The following SPIC variants were observed in gnomAD, a reference collection of about 807,000 sequenced individuals.
SPIC encodes the protein Spi-C transcription factor, also known as transcription factor Spi-C.
SPIC carries 9 observed loss-of-function variants against 16.7 expected under a neutral mutation model. That is an observed-to-expected ratio of 0.54 (90% CI 0.33 to 0.94). The LOEUF (loss-of-function observed/expected upper bound fraction) is 0.94. Among genes scored for constraint, SPIC ranks in the 40% least tolerant of loss-of-function variants. The pLI, the probability that SPIC is intolerant of heterozygous loss-of-function variation, is 0.03. For synonymous variants in SPIC, 97 were observed against 102.9 expected, an observed-to-expected ratio of 0.94 and a Z score of 0.35; for missense variants, 241 against 285.8, an observed-to-expected ratio of 0.84 and a Z score of 1.13.
intron 4 of SPIC, among the ~76,000 whole-genome samples, chr12:101,480,593 T>C (rs1873156365): frequency 6.6e-6 from 1 of 152,242 alleles, no homozygotes; most frequent in Admixed American, 6.5e-5. Context: ...GGTTTTTATT[T>C]TTCTTCAGTC....
chr12:101,479,533 C>CAAATACAA, intron 3 of SPIC, 49 bp from the exon 4 acceptor site: 1 of 1,437,628 alleles, frequency 7.0e-7, no homozygotes, highest in South Asian at 1.2e-5. Flanking sequence ...TTTATATGCA[C>CAAATACAA]AAATACAAAC....
chr12:101,479,766 G>A lies in SPIC; in HGVS notation c.210+72G>A, dbSNP rs1593491745. 2.7e-6 allele frequency: 3 copies of A among 1,104,710 alleles called. No individual in the cohort carries two copies. The East Asian group carries it at 7.5e-5, about 28-fold the overall frequency. The allele number at this position is 1,104,710 out of a possible 1,614,324, so 68.4% of individuals were successfully genotyped here. A position where few individuals can be genotyped will look rare whatever the true frequency, so the allele number is the denominator to read the frequency against. On this transcript the variant is annotated intron_variant, in intron 4 of 5. Transcript: ENST00000551346. ...GCCAGCCTTCCATTTCACATACACT[G>A]TCTGAAACCCAGCTTAAAGACAGCA...
intron 1 of SPIC, among the ~76,000 whole-genome samples, chr12:101,476,054 G>A (rs1046412553): frequency 1.3e-5 from 2 of 152,218 alleles, no homozygotes; most frequent in Non-Finnish European, 1.5e-5. Context: ...GTGTTTGCGG[G>A]TAAATACTAA....
intron 1 of SPIC, among the ~76,000 whole-genome samples, chr12:101,476,362 T>C (rs1305727506): frequency 6.6e-6 from 1 of 152,162 alleles, no homozygotes; most frequent in Non-Finnish European, 1.5e-5. Context: ...CTAAATTTTA[T>C]TTGCAATATA....
At chr12:101,484,151 T>A (rs961926526) in intron 5 of SPIC, among the ~76,000 whole-genome samples, 69 of 152,032 alleles carry the variant, frequency 4.5e-4, no homozygotes, top group African/African-American at 1.5e-3. Flanking sequence ...AAGCTTTTTT[T>A]AAAAAAATTT....
At chr12:101,477,715 T>TA (rs1445183062) in intron 3 of SPIC, 64 bp downstream of exon 3, 1 of 1,387,566 alleles carries the variant, frequency 7.2e-7, no homozygotes, top group African/African-American at 1.4e-5. Context: ...CACATACACA[T>TA]ATAAGAATAA....
At chr12:101,481,121 A>G (rs754952485) in intron 4 of SPIC, among the ~76,000 whole-genome samples, 5 of 151,954 alleles carry the variant, frequency 3.3e-5, no homozygotes, top group South Asian at 2.1e-4. Context: ...TCTTCTTGCC[A>G]TATGTAAATG....
Position 101,482,891 on chromosome 12 carries a change from G to A in SPIC, c.310G>A (p.Gly104Arg), listed in dbSNP as rs554005949. The change falls in exon 5 of 6, where the codon GGG becomes AGG. Residue 104 changes from glycine (G) to arginine (R), a missense_variant. Transcript: ENST00000551346. ...LVQPTLLQQK[G>R]GKGRKKLRLF... Reference sequence around the variant, plus strand: ...ACAACCCACTCTTCTCCAGCAAAAGGGGGGAAAAGGTACGTTGATCCATCA... The same window carrying A: ...ACAACCCACTCTTCTCCAGCAAAAGAGGGGAAAAGGTACGTTGATCCATCA... 15 of 1,613,650 alleles carry A rather than the reference G, an allele frequency of 9.3e-6. No individual in the cohort carries two copies. Among genetic ancestry groups the A allele is most frequent in the African/African-American group, 2.7e-5 (2 of 74,902 alleles).
intron 4 of SPIC, among the ~76,000 whole-genome samples, chr12:101,480,705 G>A (rs551554568): frequency 1.3e-5 from 2 of 152,252 alleles, no homozygotes; most frequent in South Asian, 4.1e-4. Flanking sequence ...GAGTGCTTTG[G>A]GCTGGGCTCA....
chr12:101,480,071 C>T (rs993519951), intron 4 of SPIC, among the ~76,000 whole-genome samples: 2 of 152,162 alleles, frequency 1.3e-5, no homozygotes, highest in South Asian at 2.1e-4. Context: ...CCAGCCTCAG[C>T]CTCCCAAAGG....
At chr12:101,479,265 A>G (rs7485924) in intron 3 of SPIC, among the ~76,000 whole-genome samples, 9,738 of 57,006 alleles carry the variant, frequency 0.17, 1,441 homozygotes, top group African/African-American at 0.4. Context: ...AAGGAAGGAA[A>G]GAAAGAAAGA....
intron 4 of SPIC, among the ~76,000 whole-genome samples, chr12:101,480,830 T>A (rs1024505865): frequency 2.2e-4 from 34 of 152,114 alleles, no homozygotes; most frequent in African/African-American, 7.0e-4. Context: ...CAAAAAAAAA[T>A]TTTGTAAATA....
At chr12:101,480,043 C>T (rs1873139218) in intron 4 of SPIC, among the ~76,000 whole-genome samples, 3 of 152,152 alleles carry the variant, frequency 2.0e-5, no homozygotes, top group South Asian at 2.1e-4. Context: ...TCTCAAACTC[C>T]TGACTTCAGG....
At chr12:101,477,455 A>G in intron 2 of SPIC, 103 bp from the exon 3 acceptor site, 1 of 1,085,440 alleles carries the variant, frequency 9.2e-7, no homozygotes, top group South Asian at 1.4e-5. Context: ...CCATAGTGTC[A>G]AGATTGAGAA....
chr12:101,482,678 C>A, intron 4 of SPIC, 114 bp from the exon 5 acceptor site: 4 of 981,704 alleles, frequency 4.1e-6, no homozygotes, highest in Non-Finnish European at 6.1e-6. Flanking sequence ...GGGGTAATTC[C>A]TTTTGCAATC....
intron 4 of SPIC, among the ~76,000 whole-genome samples, chr12:101,482,256 G>A (rs2121258150): frequency 6.6e-6 from 1 of 151,320 alleles, no homozygotes; most frequent in East Asian, 2.0e-4. Flanking sequence ...AAATTGTAGA[G>A]GTGGGGTCTC....
At chr12:101,480,140 A>T (rs1407533948) in intron 4 of SPIC, among the ~76,000 whole-genome samples, 3 of 152,224 alleles carry the variant, frequency 2.0e-5, no homozygotes, top group Non-Finnish European at 1.5e-5. Flanking sequence ...AAGGGCCATC[A>T]GCTGTAGTCT....
At chr12:101,476,227 C>T (rs967257490) in intron 1 of SPIC, among the ~76,000 whole-genome samples, 3 of 151,978 alleles carry the variant, frequency 2.0e-5, no homozygotes, top group Admixed American at 1.3e-4. Flanking sequence ...AATTGTGGGT[C>T]GGTGTGATAA....
chr12:101,479,304 GAA>G (rs753408588), intron 3 of SPIC, among the ~76,000 whole-genome samples: 1 of 24,536 alleles, frequency 4.1e-5, no homozygotes, highest in African/African-American at 1.1e-4. Flanking sequence ...AAGAAAGAAA[GAA>G]AAAAGAAAGA....
Sources: gnomAD v4.1 joint callset for allele counts (sites outside exome capture counted in the v4.1 genomes callset) on GRCh38, gnomAD v4.1.1 for gene constraint, MANE v1.5 for transcripts, NCBI Gene and HGNC (gene_info 2026-07-23, HGNC 2026-07-21) for gene names.